KCTD19: variants seen among roughly 807,000 people sequenced by gnomAD.
The protein encoded by KCTD19 is BTB/POZ domain-containing protein KCTD19.
In KCTD19, 67 loss-of-function variants were observed where a neutral mutation model predicts 103.5. The ratio of observed to expected loss-of-function variants is 0.65; its 90% confidence interval spans 0.53 to 0.79. The LOEUF is 0.79. KCTD19 is among the 30% of genes least tolerant of loss of function. KCTD19 has a pLI of 0.00. For synonymous variants in KCTD19, 439 were observed against 452.2 expected (o/e 0.97, Z 0.37); for missense variants, 980 against 1,136.1 (o/e 0.86, Z 1.98).
intron 6 of KCTD19, 32 bp from the exon 7 acceptor site, chr16:67,297,695 A>G (rs1299181795): frequency 1.2e-6 from 2 of 1,608,468 alleles, no homozygotes; most frequent in South Asian, 1.1e-5. Flanking sequence ...CATGAAGAAC[A>G]TCAGCATTGT....
intron 6 of KCTD19, 87 bp from the exon 7 acceptor site, chr16:67,297,750 C>T (rs189212967): frequency 2.9e-4 from 370 of 1,291,534 alleles, no homozygotes; most frequent in Admixed American, 6.8e-4. Context: ...CCTAGGATGC[C>T]TTGCCGCAAC....
intron 2 of KCTD19, among the ~76,000 whole-genome samples, chr16:67,310,228 C>G (rs1050648969): frequency 7.2e-5 from 11 of 152,218 alleles, no homozygotes; most frequent in Non-Finnish European, 1.5e-4. Flanking sequence ...ATAGATATAA[C>G]CTCCCCAAGA....
intron 2 of KCTD19, among the ~76,000 whole-genome samples, chr16:67,310,225 T>C (rs570260779): frequency 3.9e-5 from 6 of 152,298 alleles, no homozygotes; most frequent in African/African-American, 1.2e-4. Context: ...CTAATAGATA[T>C]AACCTCCCCA....
At chr16:67,304,822 C>G (rs752805710) in intron 2 of KCTD19, among the ~76,000 whole-genome samples, 13 of 152,066 alleles carry the variant, frequency 8.5e-5, no homozygotes, top group Non-Finnish European at 1.6e-4. Context: ...TGCCACCACG[C>G]CTGGCTAATT....
rs757212801 is a variant in KCTD19, at chr16:67,291,698, C to T, written c.2358G>A (p.Thr786=). ...MFFEDSIIYT[T]EMDNLRHTTP... Reference sequence around the variant, plus strand: ...TTGTGTGCCTGAGGTTGTCCATCTCCGTGGTATAGATGATGCTGTCCTCAA... The same window carrying T: ...TTGTGTGCCTGAGGTTGTCCATCTCTGTGGTATAGATGATGCTGTCCTCAA... Residue 786 remains threonine, a synonymous_variant, in exon 13 of 16, where the codon ACG becomes ACA. Coordinates refer to ENST00000304372, the MANE Select transcript of KCTD19 (RefSeq NM_001100915.3). 2.3e-5 allele frequency: 37 copies of T among 1,613,950 alleles called. No homozygotes were observed. The highest frequency in any genetic ancestry group is 2.9e-5 in the Non-Finnish European group (34 of 1,180,014).
rs73592833 is a variant in KCTD19 at position 67,290,172 on chromosome 16, T to C, written c.2668-490A>G. ...TTGCCCTTACTGAATATTTTCTTTT[T>C]TTTTTTTTTTTTTTTTTTTTTTTGA... On this transcript the variant is annotated intron_variant, in intron 15 of 15. Transcript: ENST00000304372. 7.9e-4 allele frequency among the ~76,000 whole-genome samples: 101 copies of C among 128,362 alleles called. 1 individual carries two copies. The highest frequency in any genetic ancestry group is 2.3e-3 in the African/African-American group (76 of 33,490). The allele number at this position is 128,362 out of a possible 152,430, so 84.2% of individuals were successfully genotyped here. A position where few individuals can be genotyped will look rare whatever the true frequency, so the allele number is the denominator to read the frequency against.
At chr16:67,294,259 A>T in intron 11 of KCTD19, 88 bp from the exon 12 acceptor site, 1 of 1,342,758 alleles carries the variant, frequency 7.4e-7, no homozygotes, top group East Asian at 2.3e-5. Flanking sequence ...GGCCTCCAAG[A>T]CTTCACTTGC....
chr16:67,289,860 T>A (rs1448998223), intron 15 of KCTD19, among the ~76,000 whole-genome samples, 178 bp from the exon 16 acceptor site: 3 of 152,208 alleles, frequency 2.0e-5, no homozygotes, highest in African/African-American at 7.2e-5. Flanking sequence ...TAGAAATGGC[T>A]ATCAGGGAAC....
rs759072480 is a variant in KCTD19, at chr16:67,326,690, G to T, written c.3+15C>A. The T allele has an allele frequency of 4.9e-5, 78 of 1,583,672 alleles. No individual in the cohort carries two copies. Among genetic ancestry groups the T allele is most frequent in the Non-Finnish European group, 6.2e-5 (73 of 1,169,476 alleles). ...TTTGGTGCTTTTGGCGCCCCCGCCAGAGCGGGCTCCGTACCATGGTCGCGG... is the reference window on the plus strand; with the variant it reads ...TTTGGTGCTTTTGGCGCCCCCGCCATAGCGGGCTCCGTACCATGGTCGCGG... On this transcript the variant is annotated intron_variant, in intron 1 of 15. Transcript: ENST00000304372.
Position 67,320,673 on chromosome 16 carries a change from G to C in KCTD19, c.216C>G (p.Thr72=). 1 of 1,614,180 alleles carries C rather than the reference G, an allele frequency of 6.2e-7. No homozygotes were observed. The highest frequency in any genetic ancestry group is 8.5e-7 in the Non-Finnish European group (1 of 1,180,036). Residue 72 remains threonine (T), a synonymous_variant, in exon 2 of 16, where the codon ACC becomes ACG. Transcript: ENST00000304372. The surrounding 1 kb of genome is among the most constrained non-coding windows in gnomAD (Gnocchi z 4.0). ...CACAACTGGAGAAGGAGAGTTTGGA[G>C]GTGTAGAGGTAATAGTGCACGTGCC... ...TFRHVHYYLY[T]SKLSFSSCAE... is the part of the protein sequence containing the mutation.
At chr16:67,304,852 G>A (rs1255237542) in intron 2 of KCTD19, among the ~76,000 whole-genome samples, 1 of 151,948 alleles carries the variant, frequency 6.6e-6, no homozygotes, top group Non-Finnish European at 1.5e-5. Context: ...ATTTTTAGTA[G>A]AGACAGAGTT....
Position 67,303,265 on chromosome 16 carries a change from C to T in KCTD19, c.524G>A (p.Cys175Tyr), listed in dbSNP as rs765493724. 7 of 1,614,118 alleles carry T rather than the reference C, an allele frequency of 4.3e-6. No homozygotes were observed. The highest frequency in any genetic ancestry group is 5.9e-6 in the Non-Finnish European group (7 of 1,179,968). The change falls in exon 4 of 16, where the codon TGC (cysteine) becomes TAC (tyrosine). Residue 175 changes from cysteine to tyrosine, a missense_variant. By Grantham distance (194) the Cys-to-Tyr change is radical. Transcript: ENST00000304372. This position sits in a 1 kb window ranked among gnomAD's most constrained non-coding sequence, Gnocchi z 4.3. The part of the protein sequence containing the change: ...LLDTEEEVHY[C>Y]FLPLDLVAKY... ...GGCCACCAGGTCTAGGGGCAGGAAG[C>T]AGTAGTGCACCTCCTCTTCTGTGTC...
At chr16:67,294,885 T>A (rs1328850425) in intron 10 of KCTD19, 88 bp downstream of exon 10, 5 of 1,156,374 alleles carry the variant, frequency 4.3e-6, no homozygotes, top group Non-Finnish European at 6.5e-6. Context: ...GAGATCAGGA[T>A]CCTCTAGGAG....
At chr16:67,313,528 G>A (rs920652813) in intron 2 of KCTD19, among the ~76,000 whole-genome samples, 7 of 152,182 alleles carry the variant, frequency 4.6e-5, no homozygotes, top group African/African-American at 7.2e-5. Context: ...GGTAGTGGCT[G>A]AATTTCGTCC....
Position 67,309,471 on chromosome 16 carries a change from G to C in KCTD19, c.301-4900C>G, listed in dbSNP as rs547499352. Among the ~76,000 whole-genome samples the C allele has an allele frequency of 2.6e-5, 4 of 152,290 alleles. No homozygotes were observed. The East Asian group carries it at 7.7e-4, about 29-fold the overall frequency. On this transcript the variant is annotated intron_variant, in intron 2 of 15. Transcript: ENST00000304372. ...ATGGCAAGAAGAAAGGGTTTAGCTT[G>C]GGTCTGATTTGTGATGGACAGAAAG...
At chr16:67,294,793 C>T (rs1407015451) in intron 10 of KCTD19, 99 bp from the exon 11 acceptor site, 2 of 1,012,506 alleles carry the variant, frequency 2.0e-6, no homozygotes, top group Non-Finnish European at 3.1e-6. Context: ...TAATGCTAGA[C>T]AGCAGGGAAG....
chr16:67,290,610 GAT>G (rs2036675244), intron 15 of KCTD19, among the ~76,000 whole-genome samples: 1 of 152,230 alleles, frequency 6.6e-6, no homozygotes, highest in African/African-American at 2.4e-5. Context: ...GGGCTCATAT[GAT>G]ATGTGTCCCT....
chr16:67,315,788 G>A (rs969910457), intron 2 of KCTD19, among the ~76,000 whole-genome samples: 8 of 150,936 alleles, frequency 5.3e-5, no homozygotes, highest in African/African-American at 1.7e-4. Flanking sequence ...TAATTTTTTT[G>A]TTTTTTAGCA....
chr16:67,296,617 CTG>C (rs2142504536), intron 7 of KCTD19, among the ~76,000 whole-genome samples: 1 of 152,308 alleles, frequency 6.6e-6, no homozygotes, highest in East Asian at 1.9e-4. Context: ...GAATCTCTCT[CTG>C]TGTGTTTATG....
Sources: allele counts gnomAD v4.1 joint callset (sites outside exome capture counted in the v4.1 genomes callset), GRCh38; gene constraint gnomAD v4.1.1; non-coding constraint Gnocchi (gnomAD v3.1); transcripts MANE v1.5; gene names NCBI Gene and HGNC (gene_info 2026-07-23, HGNC 2026-07-21).